Variants in PRKCB observed in about 807,000 individuals in gnomAD.
PRKCB encodes protein kinase C beta.
In PRKCB, 13 loss-of-function variants were observed where a neutral mutation model predicts 81.5. The observed-to-expected ratio is 0.16, with a 90% CI of 0.10 to 0.25. The LOEUF is 0.25. PRKCB is among the 10% of genes least tolerant of loss of function. The pLI is 1.00. For synonymous variants in PRKCB, 335 were observed against 321.4 expected (o/e 1.04, Z -0.45); for missense variants, 509 against 875.7 (o/e 0.58, Z 5.29).
In PRKCB at chr16:24,154,673, C is replaced by G. The variant is rs757544207; in HGVS notation, c.1066-11C>G. ...TTCCAACTGCCCTGACATGCTTGCT[C>G]TCTTTCCCAGGTCATGCTTTCAGAA... On this transcript the variant is annotated splice_polypyrimidine_tract_variant and intron_variant, in intron 9 of 16. Coordinates refer to ENST00000643927, the MANE Select transcript of PRKCB (RefSeq NM_002738.7). The G allele has an allele frequency of 4.2e-5, 67 of 1,613,792 alleles. No homozygotes were observed. The highest frequency in any genetic ancestry group is 5.5e-5 in the Non-Finnish European group (65 of 1,179,854).
At chr16:23,848,498 G>T (rs1257737938) in intron 2 of PRKCB, among the ~76,000 whole-genome samples, 1 of 152,168 alleles carries the variant, frequency 6.6e-6, no homozygotes, top group East Asian at 1.9e-4. Context: ...GTGGTTACTA[G>T]TTATTTTTAT....
rs1333147455 is a variant in PRKCB at position 24,220,178 on chromosome 16, C to G, written c.*5362C>G. The G allele has an allele frequency of 1.2e-5, 19 of 1,580,910 alleles. No homozygotes were observed. In the Admixed American group the frequency reaches 2.9e-4, roughly 24 times the overall value. ...TTCAAGCCAAGCGTATGTATCAATT[C>G]TAGTCTTCCAGGATTCACGGTGCAC... On this transcript the variant is annotated 3_prime_UTR_variant, in exon 17 of 17. Coordinates refer to ENST00000643927, the MANE Select transcript of PRKCB (RefSeq NM_002738.7).
intron 16 of PRKCB, among the ~76,000 whole-genome samples, chr16:24,200,654 CAA>C (rs1195749786): frequency 6.6e-6 from 1 of 152,110 alleles, no homozygotes; most frequent in Admixed American, 6.6e-5. Flanking sequence ...AGGTGAAGGG[CAA>C]GAGAGAGTAT....
intron 2 of PRKCB, among the ~76,000 whole-genome samples, chr16:23,916,304 TC>T (rs1305234383): frequency 2.0e-5 from 3 of 151,112 alleles, no homozygotes; most frequent in Admixed American, 6.6e-5. Flanking sequence ...AACAAGCAGT[TC>T]TCCCACCTCA....
At chr16:24,045,204 A>G (rs1005360774) in intron 5 of PRKCB, among the ~76,000 whole-genome samples, 1 of 152,080 alleles carries the variant, frequency 6.6e-6, no homozygotes, top group South Asian at 2.1e-4. Flanking sequence ...AAATGAATGG[A>G]TAATGCCCCA....
intron 16 of PRKCB, among the ~76,000 whole-genome samples, chr16:24,212,754 A>T (rs1295436164): frequency 6.6e-6 from 1 of 151,974 alleles, no homozygotes; most frequent in Non-Finnish European, 1.5e-5. Context: ...GGTGTGAACC[A>T]CCACGCCTGG....
At chr16:23,958,230 G>A (rs1964376201) in intron 2 of PRKCB, among the ~76,000 whole-genome samples, 1 of 152,130 alleles carries the variant, frequency 6.6e-6, no homozygotes, top group African/African-American at 2.4e-5. Context: ...GATCTCAGGT[G>A]ATCTGCCCAC....
chr16:24,051,755 G>T (rs1367772453), intron 5 of PRKCB, among the ~76,000 whole-genome samples: 1 of 152,132 alleles, frequency 6.6e-6, no homozygotes, highest in East Asian at 1.9e-4. Context: ...AGTGCAGCAT[G>T]CCTGTAATCT....
intron 15 of PRKCB, among the ~76,000 whole-genome samples, chr16:24,189,338 A>T (rs1967752965): frequency 6.6e-6 from 1 of 152,160 alleles, no homozygotes; most frequent in Admixed American, 6.5e-5. Context: ...AAGCTCATGC[A>T]TGTAAATAAA....
At chr16:24,053,713 G>A (rs561525654) in intron 5 of PRKCB, among the ~76,000 whole-genome samples, 111 of 152,140 alleles carry the variant, frequency 7.3e-4, no homozygotes, top group Admixed American at 2.0e-3. Flanking sequence ...CATCTCCCTG[G>A]CAGAAGAGCA....
chr16:24,093,819 T>G (rs1235641200), intron 6 of PRKCB, among the ~76,000 whole-genome samples: 2 of 152,344 alleles, frequency 1.3e-5, no homozygotes, highest in East Asian at 3.9e-4. Flanking sequence ...TGTGCAGATA[T>G]ACACATGTAC....
Position 23,856,563 on chromosome 16 carries a change from G to A in PRKCB, c.205+19157G>A, listed in dbSNP as rs530812160. Among the ~76,000 whole-genome samples the A allele has an allele frequency of 2.7e-5, 4 of 150,282 alleles. No homozygotes were observed. In the East Asian group the frequency reaches 7.8e-4, roughly 29 times the overall value. On this transcript the variant is annotated intron_variant, in intron 2 of 16. Transcript: ENST00000643927. ...TTTTGAGACAGGGTCTTTGTCTGTC[G>A]CACAGGCTGGAGTGCAGTGGTACAA...
At chr16:24,101,584 G>A (rs1469022911) in intron 7 of PRKCB, among the ~76,000 whole-genome samples, 1 of 152,224 alleles carries the variant, frequency 6.6e-6, no homozygotes, top group Non-Finnish European at 1.5e-5. Flanking sequence ...AAGTTGAACT[G>A]AAACTAACTT....
intron 2 of PRKCB, among the ~76,000 whole-genome samples, chr16:23,842,172 A>G (rs1962279227): frequency 6.6e-6 from 1 of 152,166 alleles, no homozygotes; most frequent in Admixed American, 6.5e-5. Flanking sequence ...GTTGGAGTCC[A>G]GTAGAATTGG....
intron 2 of PRKCB, chr16:23,893,517 T>G (rs962101609): frequency 2.6e-5 from 4 of 152,208 alleles, no homozygotes; most frequent in Non-Finnish European, 5.9e-5. Context: ...CAATGACTGT[T>G]TGTAAGTTCT....
At chr16:23,947,044 C>T (rs1427860400) in intron 2 of PRKCB, among the ~76,000 whole-genome samples, 5 of 152,014 alleles carry the variant, frequency 3.3e-5, no homozygotes, top group East Asian at 1.9e-4. Context: ...TTAGTAGAGA[C>T]GGGGTTTTAC....
intron 2 of PRKCB, among the ~76,000 whole-genome samples, chr16:23,897,727 C>A (rs576743741): frequency 1.3e-3 from 200 of 152,306 alleles, no homozygotes; most frequent in Non-Finnish European, 1.5e-3. Context: ...GCGGAGAAGA[C>A]TGGACTACTT....
chr16:23,975,830 T>C (rs1367227145), intron 2 of PRKCB, among the ~76,000 whole-genome samples: 1 of 152,142 alleles, frequency 6.6e-6, no homozygotes, highest in African/African-American at 2.4e-5. Context: ...TCACATTTGG[T>C]TTGTTAGTCA....
intron 10 of PRKCB, among the ~76,000 whole-genome samples, chr16:24,163,762 A>C (rs536620651): frequency 1.3e-5 from 2 of 152,368 alleles, no homozygotes; most frequent in African/African-American, 4.8e-5. Context: ...TGGACTTGAC[A>C]TGCGTCATCT....
Sources: allele counts gnomAD v4.1 joint callset (sites outside exome capture counted in the v4.1 genomes callset), GRCh38; gene constraint gnomAD v4.1.1; transcripts MANE v1.5; gene names NCBI Gene and HGNC (gene_info 2026-07-23, HGNC 2026-07-21).